The following CHAF1A variants were observed in gnomAD, a reference collection of about 807,000 sequenced individuals.
The protein encoded by CHAF1A is CAF-1 subunit A.
Under a neutral mutation model 93.2 loss-of-function variants are expected in CHAF1A, and 5 were observed. The observed-to-expected ratio is 0.05, with a 90% confidence interval of 0.03 to 0.11. The LOEUF (loss-of-function observed/expected upper bound fraction) is 0.11. Ranked by LOEUF, CHAF1A falls within the 10% of genes least tolerant of loss-of-function variation. The probability of loss-of-function intolerance (pLI) is 1.00; values close to 1 mark genes in which losing one functional copy is unlikely to be tolerated. For synonymous variants in CHAF1A, 504 were observed against 510.3 expected (o/e 0.99, Z 0.17); for missense variants, 1,102 against 1,259.9 (o/e 0.87, Z 1.90).
At chr19:4,412,402 G>A (rs1973821663) in intron 3 of CHAF1A, among the ~76,000 whole-genome samples, 1 of 152,180 alleles carries the variant, frequency 6.6e-6, no homozygotes, top group African/African-American at 2.4e-5. Flanking sequence ...AAATTAGCTG[G>A]GTATGGTGAC....
rs1271369908 is a variant in CHAF1A at position 4,424,144 on chromosome 19, T to A, written c.1377+270T>A. On this transcript the variant is annotated intron_variant, in intron 7 of 14. Transcript: ENST00000301280. ...AATTTTGTGTTAGGCGTAAGAGAAA[T>A]TCACCATGTTTTTACCCTTGGGAAA... is the stretch of plus-strand genomic sequence containing the variant. Among the ~76,000 whole-genome samples, 3 of 152,202 alleles carry A rather than the reference T, an allele frequency of 2.0e-5. No homozygotes were observed. In the East Asian group the frequency reaches 5.8e-4, roughly 29 times the overall value.
intron 7 of CHAF1A, among the ~76,000 whole-genome samples, chr19:4,424,208 A>G (rs1974040697): frequency 1.3e-5 from 2 of 152,226 alleles, no homozygotes; most frequent in African/African-American, 4.8e-5. Flanking sequence ...CTGTAAAACA[A>G]CAGTACAATT....
At chr19:4,440,669 T>G (rs1303069789) in intron 13 of CHAF1A, among the ~76,000 whole-genome samples, 1 of 152,028 alleles carries the variant, frequency 6.6e-6, no homozygotes, top group Non-Finnish European at 1.5e-5. Context: ...GGGGCTAGGT[T>G]GCTCTTACAC....
Position 4,405,906 on chromosome 19 carries a change from T to C in CHAF1A, c.53-6T>C, listed in dbSNP as rs777718366. ...ACAGTTTACCCTTTGACACTTTTAT[T>C]TGCAGCCATGGATTGCAAAGATAGA... On this transcript the variant is annotated splice_region_variant and splice_polypyrimidine_tract_variant and intron_variant, in intron 1 of 14. Transcript: ENST00000301280. 6.2e-6 allele frequency: 10 copies of C among 1,613,148 alleles called. No homozygotes were observed. Among genetic ancestry groups the C allele is most frequent in the South Asian group, 1.1e-5 (1 of 91,056 alleles).
Position 4,428,742 on chromosome 19 carries a change from G to A in CHAF1A, c.1456G>A (p.Ala486Thr), listed in dbSNP as rs150835577. ...GGTCCTGGCCCCTCGGCGTCGGACCGCTTTCCATCCAGACCTCTGCAGTCA... is the reference window on the plus strand; with the variant it reads ...GGTCCTGGCCCCTCGGCGTCGGACCACTTTCCATCCAGACCTCTGCAGTCA... ...HMVLAPRRRT[A>T]FHPDLCSQLD... The change falls in exon 8 of 15, where the codon GCT becomes ACT. Residue 486 changes from alanine (A) to threonine (T), a missense_variant. Physicochemically the swap from Ala to Thr is moderately conservative, Grantham distance 58. Transcript: ENST00000301280. 3.2e-5 allele frequency: 52 copies of A among 1,614,024 alleles called. No individual in the cohort carries two copies. The East Asian group carries it at 3.3e-4, about 10-fold the overall frequency.
downstream of CHAF1A, chr19:4,445,217 G>A (rs926146349): frequency 4.8e-6 from 2 of 414,796 alleles, no homozygotes; most frequent in Admixed American, 3.9e-5. Flanking sequence ...TGTCTGTCCG[G>A]CAGCTTCATG....
At chr19:4,438,131 CAT>C (rs1280459110) in intron 13 of CHAF1A, among the ~76,000 whole-genome samples, 1 of 152,108 alleles carries the variant, frequency 6.6e-6, no homozygotes, top group African/African-American at 2.4e-5. Context: ...TTGGCAAACT[CAT>C]GTCACGGGGG....
chr19:4,446,631 C>G, downstream of CHAF1A: 1 of 1,612,516 alleles, frequency 6.2e-7, no homozygotes, highest in Non-Finnish European at 8.5e-7. Flanking sequence ...GCACGGGCTC[C>G]GCAGCCAGCA....
chr19:4,442,587 C>T (rs1469610010), intron 14 of CHAF1A, among the ~76,000 whole-genome samples: 4 of 152,326 alleles, frequency 2.6e-5, no homozygotes, highest in South Asian at 4.1e-4. Context: ...GTGGTTGTGA[C>T]GTTAGATGGG....
At chr19:4,419,130 T>G (rs1390510997) in intron 4 of CHAF1A, among the ~76,000 whole-genome samples, 4 of 148,436 alleles carry the variant, frequency 2.7e-5, no homozygotes, top group Non-Finnish European at 5.9e-5. Flanking sequence ...TCCTCCCGTC[T>G]CAGCCTCCCA....
At chr19:4,404,209 A>T (rs766537638) in intron 1 of CHAF1A, among the ~76,000 whole-genome samples, 11 of 152,368 alleles carry the variant, frequency 7.2e-5, no homozygotes, top group Non-Finnish European at 1.6e-4. Flanking sequence ...AAATAAAATT[A>T]GAAAGGATGT....
rs1215259402 is a variant in CHAF1A at position 4,442,998 on chromosome 19, G to T, written c.2844G>T (p.Leu948=). ...GVGVDTGKAT[L]TASPLGAS is the part of the protein sequence containing the mutation. ...GGGTGGACACCGGCAAGGCCACCCTGACCGCGAGCCCACTGGGTGCATCCT... is the reference window on the plus strand; with the variant it reads ...GGGTGGACACCGGCAAGGCCACCCTTACCGCGAGCCCACTGGGTGCATCCT... Residue 948 remains leucine (L), a synonymous_variant, in exon 15 of 15, where the codon CTG becomes CTT. Coordinates refer to ENST00000301280, the MANE Select transcript of CHAF1A (RefSeq NM_005483.3). 1 of 1,598,660 alleles carries T rather than the reference G, an allele frequency of 6.3e-7. No homozygotes were observed. Among genetic ancestry groups the T allele is most frequent in the Non-Finnish European group, 8.5e-7 (1 of 1,173,234 alleles).
In CHAF1A at chr19:4,429,786, G is replaced by T. The variant is rs1360429303; in HGVS notation, c.1852G>T (p.Gly618Trp). The change falls in exon 10 of 15, where the codon GGG (glycine) becomes TGG (tryptophan). Residue 618 changes from glycine (G) to tryptophan (W), a missense_variant and splice_region_variant. Physicochemically the swap from Gly to Trp is radical, Grantham distance 184. Transcript: ENST00000301280. ...TGGGGAGTCCCTGTCCCACAGTGAG[G>T]GGGTAAGGATGTGCCCCAGCTGTCT... ...EPGESLSHSE[G>W]DDDDDMGEDE... 1.2e-6 allele frequency: 2 copies of T among 1,612,294 alleles called. No homozygotes were observed. Among genetic ancestry groups the T allele is most frequent in the Non-Finnish European group, 1.7e-6 (2 of 1,179,118 alleles).
chr19:4,442,513 G>A (rs1031518416), intron 14 of CHAF1A, among the ~76,000 whole-genome samples, 172 bp downstream of exon 14: 1 of 152,236 alleles, frequency 6.6e-6, no homozygotes, highest in African/African-American at 2.4e-5. Flanking sequence ...TGGGCCGTGG[G>A]TGCTGACCAT....
chr19:4,412,028 A>C (rs551716038), intron 3 of CHAF1A, among the ~76,000 whole-genome samples: 39 of 152,066 alleles, frequency 2.6e-4, no homozygotes, highest in Non-Finnish European at 4.0e-4. Context: ...TTATTTTATC[A>C]CTCAGGTACT....
intron 4 of CHAF1A, among the ~76,000 whole-genome samples, chr19:4,420,539 C>G (rs1421515871): frequency 1.3e-5 from 2 of 152,298 alleles, no homozygotes; most frequent in Admixed American, 1.3e-4. Context: ...CTGCGCCTGG[C>G]TGAGCATGTT....
At position 4,437,906 on chromosome 19, in the gene CHAF1A, A is replaced by AT. The variant is rs557261395; in HGVS notation, c.2674-4333dup. ...AGGCGCCCACCACCACGCCCAGCTA[A>AT]TTTTTTGTATTTTTTTAGTAGAGAC... On this transcript the variant is annotated intron_variant, in intron 13 of 14. Coordinates refer to ENST00000301280, the MANE Select transcript of CHAF1A (RefSeq NM_005483.3). 6.1e-4 allele frequency among the ~76,000 whole-genome samples: 92 copies of AT among 151,724 alleles called. 1 individual carries two copies. The East Asian group carries it at 0.016, about 26-fold the overall frequency.
chr19:4,408,491 T>TTTTTTTTTTTTG (rs1973727044), intron 2 of CHAF1A, among the ~76,000 whole-genome samples: 1 of 111,408 alleles, frequency 9.0e-6, no homozygotes, highest in Non-Finnish European at 1.9e-5. Flanking sequence ...TTTTTTTTTT[T>TTTTTTTTTTTTG]GAGAGGGAGT....
chr19:4,441,741 T>C (rs1419696868), intron 13 of CHAF1A, among the ~76,000 whole-genome samples: 1 of 151,814 alleles, frequency 6.6e-6, no homozygotes, highest in Non-Finnish European at 1.5e-5. Context: ...CCGTCTCTAC[T>C]AAAAATACAA....
Sources: allele counts gnomAD v4.1 joint callset (sites outside exome capture counted in the v4.1 genomes callset), GRCh38; gene constraint gnomAD v4.1.1; transcripts MANE v1.5; gene names NCBI Gene and HGNC (gene_info 2026-07-23, HGNC 2026-07-21).